The following OSBPL11 variants were observed in gnomAD, a reference collection of about 807,000 sequenced individuals.
OSBPL11 encodes oxysterol-binding protein-related protein 11.
OSBPL11 carries 33 observed loss-of-function variants against 84.4 expected under a neutral mutation model. The observed-to-expected ratio is 0.39, with a 90% CI of 0.30 to 0.52. OSBPL11 has a LOEUF of 0.52. Among genes scored for constraint, OSBPL11 ranks in the 20% least tolerant of loss-of-function variants. The pLI, the probability that OSBPL11 is intolerant of heterozygous loss-of-function variation, is 0.72. For missense variants in OSBPL11, 736 were observed against 901.1 expected (o/e 0.82, Z 2.35); for synonymous variants, 276 against 310.2 (o/e 0.89, Z 1.16).
At chr3:125,544,875 TAAGA>T (rs1025311066) in intron 10 of OSBPL11, among the ~76,000 whole-genome samples, 2 of 152,250 alleles carry the variant, frequency 1.3e-5, no homozygotes, top group Non-Finnish European at 1.5e-5. Flanking sequence ...ATGCTGCCCT[TAAGA>T]TAGTTAGCAA....
intron 8 of OSBPL11, among the ~76,000 whole-genome samples, chr3:125,555,796 T>C (rs1275419756): frequency 6.6e-6 from 1 of 152,126 alleles, no homozygotes; most frequent in Admixed American, 6.6e-5. Flanking sequence ...GTGATTCCTG[T>C]GCCTCAGCCT....
At chr3:125,540,245 C>T (rs1038786844) in intron 10 of OSBPL11, among the ~76,000 whole-genome samples, 12 of 145,272 alleles carry the variant, frequency 8.3e-5, no homozygotes, top group African/African-American at 2.8e-4. Context: ...CTGAGAATTG[C>T]TTGAACCCAG....
intron 11 of OSBPL11, among the ~76,000 whole-genome samples, chr3:125,532,719 C>G (rs978701421): frequency 9.2e-5 from 14 of 151,698 alleles, no homozygotes; most frequent in Non-Finnish European, 4.4e-5. Flanking sequence ...ATAAACCCAG[C>G]AATTCCACTC....
intron 8 of OSBPL11, among the ~76,000 whole-genome samples, chr3:125,560,035 G>T (rs916946123): frequency 5.9e-5 from 9 of 152,180 alleles, no homozygotes; most frequent in Admixed American, 5.2e-4. Context: ...GCCGAGGTGG[G>T]AGGATCACGA....
At chr3:125,551,241 G>T (rs1397067271) in intron 9 of OSBPL11, among the ~76,000 whole-genome samples, 3 of 148,492 alleles carry the variant, frequency 2.0e-5, no homozygotes, top group African/African-American at 7.4e-5. Context: ...AGAATATTAT[G>T]CAGTCATTAA....
At chr3:125,576,906 ACTC>A (rs1007641892) in intron 4 of OSBPL11, among the ~76,000 whole-genome samples, 4 of 151,896 alleles carry the variant, frequency 2.6e-5, no homozygotes, top group African/African-American at 7.2e-5. Flanking sequence ...CTGGTCTTGA[ACTC>A]CTGATCTCAG....
intron 5 of OSBPL11, among the ~76,000 whole-genome samples, chr3:125,568,537 C>T (rs929095920): frequency 6.6e-6 from 1 of 151,996 alleles, no homozygotes; most frequent in African/African-American, 2.4e-5. Flanking sequence ...AATTAAGTTC[C>T]AGTCTGGGCT....
intron 8 of OSBPL11, among the ~76,000 whole-genome samples, chr3:125,557,157 CATA>C (rs918986346): frequency 5.9e-5 from 9 of 152,010 alleles, no homozygotes; most frequent in Non-Finnish European, 8.8e-5. Flanking sequence ...TATATAATTT[CATA>C]ATATTATTTA....
At chr3:125,574,619 G>T (rs1936294456) in intron 5 of OSBPL11, among the ~76,000 whole-genome samples, 1 of 151,442 alleles carries the variant, frequency 6.6e-6, no homozygotes, top group African/African-American at 2.4e-5. Flanking sequence ...ATTAAAAAAA[G>T]ACAGTATTTG....
Position 125,536,162 on chromosome 3 carries a change from C to G in OSBPL11, c.2024+2289G>C, listed in dbSNP as rs187225898. 3.4e-4 allele frequency among the ~76,000 whole-genome samples: 52 copies of G among 151,586 alleles called. No homozygotes were observed. The East Asian group carries it at 8.3e-3, about 24-fold the overall frequency. On this transcript the variant is annotated intron_variant, in intron 11 of 12. Coordinates refer to ENST00000296220, the MANE Select transcript of OSBPL11 (RefSeq NM_022776.5). ...AAAAAAAAAAAATTCTGGCCTCACA[C>G]AGATACAGTTTGAAAAAGAGAAGAA...
chr3:125,578,400 CG>C (rs1936364369), intron 4 of OSBPL11, among the ~76,000 whole-genome samples: 1 of 151,952 alleles, frequency 6.6e-6, no homozygotes, highest in Non-Finnish European at 1.5e-5. Flanking sequence ...CTAGTGGCTC[CG>C]GATTTTTTAT....
Position 125,531,908 on chromosome 3 carries a change from G to A in OSBPL11, c.2131C>T (p.Arg711Cys). The change falls in exon 12 of 13, where the codon CGT becomes TGT. Residue 711 changes from arginine (R) to cysteine (C), a missense_variant. This residue lies in a region of OSBPL11 where 579 missense variants were observed against 717.6 expected (regional missense o/e 0.81). Transcript: ENST00000296220. Reference sequence around the variant, plus strand: ...TTCCAAGGTGTGCCTGTTTCAGTACGATGCCTTTCTTCAGTCCTCTGACGT... The same window carrying A: ...TTCCAAGGTGTGCCTGTTTCAGTACAATGCCTTTCTTCAGTCCTCTGACGT... ...EERQRTEERHRTETGTPWKTK... is the reference protein window; with the variant it reads ...EERQRTEERHCTETGTPWKTK... 6.2e-7 allele frequency: 1 copy of A among 1,613,918 alleles called. No homozygotes were observed. The highest frequency in any genetic ancestry group is 8.5e-7 in the Non-Finnish European group (1 of 1,179,980).
chr3:125,568,430 C>CAA (rs1052383358), intron 5 of OSBPL11, among the ~76,000 whole-genome samples: 11 of 75,630 alleles, frequency 1.5e-4, no homozygotes, highest in East Asian at 3.8e-4. Flanking sequence ...GACTACGTCT[C>CAA]AAAAAAAAAA....
chr3:125,555,587 AC>A (rs1172524478), intron 8 of OSBPL11, among the ~76,000 whole-genome samples: 1 of 152,206 alleles, frequency 6.6e-6, no homozygotes, highest in Non-Finnish European at 1.5e-5. Flanking sequence ...AAGATTCTAA[AC>A]AATTTTGGAG....
rs562943134 is a variant in OSBPL11, at chr3:125,530,437, A to G, written c.*78T>C. On this transcript the variant is annotated 3_prime_UTR_variant, in exon 13 of 13. Coordinates refer to ENST00000296220, the MANE Select transcript of OSBPL11 (RefSeq NM_022776.5). ...TGCGCAATCAGGAAGCAGGTCACTC[A>G]GTGCAATGACTCCATTCTGGGAGGA... 2 of 1,298,752 alleles carry G rather than the reference A, an allele frequency of 1.5e-6. No homozygotes were observed. The highest frequency in any genetic ancestry group is 2.2e-6 in the Non-Finnish European group (2 of 896,158). 80.5% of individuals were successfully genotyped at this position (1,298,752 alleles called of 1,614,324 possible).
rs564051436 is a variant in OSBPL11 at position 125,566,249 on chromosome 3, G to A, written c.868+1145C>T. Among the ~76,000 whole-genome samples, 9 of 152,176 alleles carry A rather than the reference G, an allele frequency of 5.9e-5. No homozygotes were observed. The East Asian group carries it at 1.4e-3, about 23-fold the overall frequency. The stretch of plus-strand genomic sequence containing the variant: ...TCAAACTCCTGACCTTAGGTGACCC[G>A]CCTGCCTCAGCTGCCCAAAGTGCTG... On this transcript the variant is annotated intron_variant, in intron 6 of 12. Transcript: ENST00000296220.
chr3:125,533,634 A>G (rs909593862), intron 11 of OSBPL11, among the ~76,000 whole-genome samples: 1 of 152,248 alleles, frequency 6.6e-6, no homozygotes, highest in Non-Finnish European at 1.5e-5. Flanking sequence ...AGATGGCTCA[A>G]AAATAAAAAT....
chr3:125,585,290 C>T (rs34865555), intron 1 of OSBPL11, among the ~76,000 whole-genome samples: 14,498 of 151,982 alleles, frequency 0.095, 963 homozygotes, highest in Non-Finnish European at 0.14. Flanking sequence ...GCTACCATGC[C>T]CACCTAATTT....
At chr3:125,569,274 G>A (rs771804258) in intron 5 of OSBPL11, among the ~76,000 whole-genome samples, 8 of 152,016 alleles carry the variant, frequency 5.3e-5, no homozygotes, top group Middle Eastern at 3.4e-3. Flanking sequence ...ATGGCTCATC[G>A]GGGGCAAGTG....
Sources: gnomAD v4.1 joint callset for allele counts (sites outside exome capture counted in the v4.1 genomes callset) on GRCh38, gnomAD v4.1.1 for gene constraint, gnomAD v4.1.1 regional missense constraint, MANE v1.5 for transcripts, NCBI Gene and HGNC (gene_info 2026-07-23, HGNC 2026-07-21) for gene names.